The following ZNF184 variants were observed in gnomAD, a reference collection of about 807,000 sequenced individuals.
ZNF184 encodes the protein zinc finger protein 184, also known as zinc finger protein 184 (Kruppel-like).
Under a neutral mutation model 54.4 loss-of-function variants are expected in ZNF184, and 16 were observed. The observed-to-expected ratio is 0.29, with a 90% CI of 0.20 to 0.45. The LOEUF is 0.45. ZNF184 is among the 20% of genes least tolerant of loss of function. ZNF184 has a pLI of 1.00. For missense variants in ZNF184, 681 were observed against 888.2 expected (o/e 0.77, Z 2.97); for synonymous variants, 254 against 295.3 (o/e 0.86, Z 1.43).
At chr6:27,443,497 A>G in the ZNF184 span, among the ~76,000 whole-genome samples, 1 of 152,182 alleles carries the variant, frequency 6.6e-6, no homozygotes, top group Non-Finnish European at 1.5e-5. Flanking sequence ...AATCCATTCA[A>G]TATCTCAGGC....
At chr6:27,456,742 A>G in intron 5 of ZNF184, 84 bp downstream of exon 5, 1 of 1,174,600 alleles carries the variant, frequency 8.5e-7, no homozygotes. Flanking sequence ...AAGAAAGTAC[A>G]TCTACACTTC....
At chr6:27,447,518 GC>G (rs1482183019), downstream of ZNF184, among the ~76,000 whole-genome samples, 1 of 151,980 alleles carries the variant, frequency 6.6e-6, no homozygotes, top group Non-Finnish European at 1.5e-5. Flanking sequence ...TTCAAGACCA[GC>G]CTGGCCAACA....
At position 27,472,714 on chromosome 6, in the gene ZNF184, A is replaced by G; in HGVS notation, c.-140+15T>C. ...GACTCACACCCCTGCGAGCTCGGATAACACGAAGACACACCTGTTGCAGAG... is the reference window on the plus strand; with the variant it reads ...GACTCACACCCCTGCGAGCTCGGATGACACGAAGACACACCTGTTGCAGAG... On this transcript the variant is annotated intron_variant, in intron 1 of 5. Coordinates refer to ENST00000683788, the MANE Select transcript of ZNF184 (RefSeq NM_001318891.2). This position sits in a 1 kb window ranked among gnomAD's most constrained non-coding sequence, Gnocchi z 4.8. The G allele has an allele frequency of 5.7e-6, 1 of 174,194 alleles. No homozygotes were observed. Among genetic ancestry groups the G allele is most frequent in the Non-Finnish European group, 1.2e-5 (1 of 81,502 alleles). The allele number at this position is 174,194 out of a possible 1,614,324, so 10.8% of individuals were successfully genotyped here. A position where few individuals can be genotyped will look rare whatever the true frequency, so the allele number is the denominator to read the frequency against.
the ZNF184 span, among the ~76,000 whole-genome samples, chr6:27,408,659 G>T: frequency 6.6e-6 from 1 of 152,160 alleles, no homozygotes; most frequent in East Asian, 1.9e-4. Context: ...CAGATTTTCA[G>T]TATTTTATAC....
At position 27,453,041 on chromosome 6, in the gene ZNF184, C is replaced by G. The variant is rs577877140; in HGVS notation, c.518G>C (p.Ser173Thr). Reference sequence around the variant, plus strand: ...ATTATTTACAGGGCCTTTTTCCCAACTGGGTATTGTCTTTTCGGTTACCTT... The same window carrying G: ...ATTATTTACAGGGCCTTTTTCCCAAGTGGGTATTGTCTTTTCGGTTACCTT... ...EIKVTEKTIP[S>T]WEKGPVNNEF... is the part of the protein sequence containing the mutation. Residue 173 changes from serine to threonine, a missense_variant, in exon 6 of 6, where the codon AGT becomes ACT. Ser to Thr is a moderately conservative substitution (Grantham distance 58). Transcript: ENST00000683788. This position sits in a 1 kb window ranked among gnomAD's most constrained non-coding sequence, Gnocchi z 4.7. The G allele has an allele frequency of 6.2e-7, 1 of 1,614,024 alleles. No individual in the cohort carries two copies. The highest frequency in any genetic ancestry group is 1.3e-5 in the African/African-American group (1 of 74,994).
At chr6:27,415,295 T>C in the ZNF184 span, among the ~76,000 whole-genome samples, 4 of 152,184 alleles carry the variant, frequency 2.6e-5, no homozygotes, top group African/African-American at 9.7e-5. Flanking sequence ...TATGATACTC[T>C]ATTTTTCTCT....
rs190345949 is a variant in ZNF184 at position 27,456,773 on chromosome 6, T to C, written c.298+53A>G. On this transcript the variant is annotated intron_variant, in intron 5 of 5. Coordinates refer to ENST00000683788, the MANE Select transcript of ZNF184 (RefSeq NM_001318891.2). Reference sequence around the variant, plus strand: ...ACTTCAGACATAAAATCCTCTCTTATCAGGCTGACAGTCGGAGTTAATGAT... The same window carrying C: ...ACTTCAGACATAAAATCCTCTCTTACCAGGCTGACAGTCGGAGTTAATGAT... 545 of 1,471,586 alleles carry C rather than the reference T, an allele frequency of 3.7e-4. 2 individuals are homozygous for C. Among genetic ancestry groups the C allele is most frequent in the Admixed American group, 6.6e-4 (38 of 57,292 alleles). 91.2% of individuals were successfully genotyped at this position (1,471,586 alleles called of 1,614,324 possible).
chr6:27,407,646 C>G, the ZNF184 span: 1 of 619,358 alleles, frequency 1.6e-6, no homozygotes, highest in East Asian at 2.9e-5. Flanking sequence ...TGCCTGCACG[C>G]CAAACTTGCT....
chr6:27,452,569 G>A lies in ZNF184; in HGVS notation c.990C>T (p.Gly330=), dbSNP rs139038488. The A allele has an allele frequency of 1.2e-4, 191 of 1,613,744 alleles. 1 individual carries two copies. The highest frequency in any genetic ancestry group is 6.6e-4 in the Middle Eastern group (4 of 6,062). The change falls in exon 6 of 6, where the codon GGC becomes GGT. Residue 330 remains glycine (G), a synonymous_variant. Coordinates refer to ENST00000683788, the MANE Select transcript of ZNF184 (RefSeq NM_001318891.2). This position sits in a 1 kb window ranked among gnomAD's most constrained non-coding sequence, Gnocchi z 5.5. ...HLVQHQRIHT[G]EKPYTCNECG... is the part of the protein sequence containing the mutation. ...ACTCATTACAAGTGTATGGCTTCTC[G>A]CCAGTATGAATTCTCTGATGCTGAA...
At position 27,452,111 on chromosome 6, in the gene ZNF184, A is replaced by G. The variant is rs757445653; in HGVS notation, c.1448T>C (p.Phe483Ser). The G allele has an allele frequency of 6.2e-7, 1 of 1,614,064 alleles. No individual in the cohort carries two copies. The highest frequency in any genetic ancestry group is 8.5e-7 in the Non-Finnish European group (1 of 1,179,996). Residue 483 changes from phenylalanine to serine, a missense_variant, in exon 6 of 6, where the codon TTC (phenylalanine) becomes TCC (serine). Coordinates refer to ENST00000683788, the MANE Select transcript of ZNF184 (RefSeq NM_001318891.2). This position sits in a 1 kb window ranked among gnomAD's most constrained non-coding sequence, Gnocchi z 5.5. ...PYKCNECGKA[F>S]SYCSSLTQHR... is the part of the protein sequence containing the mutation. ...TTGAGTAAGGGATGAGCAGTAACTGAAGGCCTTTCCACATTCATTGCATTT... is the reference window on the plus strand; with the variant it reads ...TTGAGTAAGGGATGAGCAGTAACTGGAGGCCTTTCCACATTCATTGCATTT...
the ZNF184 span, among the ~76,000 whole-genome samples, chr6:27,411,760 A>G: frequency 6.6e-6 from 1 of 152,236 alleles, no homozygotes; most frequent in Non-Finnish European, 1.5e-5. Flanking sequence ...TCTTCAAAAT[A>G]ATCTCCTGTT....
chr6:27,461,853 C>T (rs1763003072), intron 3 of ZNF184, among the ~76,000 whole-genome samples: 2 of 152,100 alleles, frequency 1.3e-5, no homozygotes, highest in African/African-American at 4.8e-5. Context: ...GAGAGAGCTA[C>T]ACAAAGAGAG....
the ZNF184 span, among the ~76,000 whole-genome samples, chr6:27,440,417 G>A: frequency 6.2e-4 from 94 of 152,302 alleles, no homozygotes; most frequent in South Asian, 1.5e-3. Context: ...GATGTAAACA[G>A]CAATGGTACT....
chr6:27,436,327 C>A, the ZNF184 span, among the ~76,000 whole-genome samples: 1 of 152,110 alleles, frequency 6.6e-6, no homozygotes, highest in Non-Finnish European at 1.5e-5. Context: ...CCACCCCCAC[C>A]TAATTTTTGT....
chr6:27,441,681 CA>C, the ZNF184 span, among the ~76,000 whole-genome samples: 4 of 152,140 alleles, frequency 2.6e-5, no homozygotes, highest in Admixed American at 6.5e-5. Context: ...AGCTTACTGA[CA>C]TGTTGTTATT....
chr6:27,408,035 C>A, the ZNF184 span: 1 of 947,120 alleles, frequency 1.1e-6, no homozygotes, highest in Non-Finnish European at 1.7e-6. Flanking sequence ...GCAAATGTGA[C>A]CTGGGATAAT....
In ZNF184 at chr6:27,467,902, G is replaced by A; in HGVS notation, c.26C>T (p.Ser9Phe). The A allele has an allele frequency of 6.2e-7, 1 of 1,611,686 alleles. No individual in the cohort carries two copies. Among genetic ancestry groups the A allele is most frequent in the Non-Finnish European group, 8.5e-7 (1 of 1,178,914 alleles). The change falls in exon 3 of 6, where the codon TCC becomes TTC. Residue 9 changes from serine to phenylalanine, a missense_variant. Coordinates refer to ENST00000683788, the MANE Select transcript of ZNF184 (RefSeq NM_001318891.2). MEDLSSPD[S>F]TLLQGGHNLL... ...ATTATGTCCCCCTTGGAGAAGGGTG[G>A]AGTCTGGAGAGGACAGATCTAGGGG...
At chr6:27,417,169 T>C in the ZNF184 span, among the ~76,000 whole-genome samples, 185 of 152,276 alleles carry the variant, frequency 1.2e-3, no homozygotes, top group Non-Finnish European at 2.1e-3. Context: ...ACTTCCAAAA[T>C]GCTTTGAAAA....
At chr6:27,454,095 G>A (rs187050181) in intron 5 of ZNF184, among the ~76,000 whole-genome samples, 7 of 152,248 alleles carry the variant, frequency 4.6e-5, no homozygotes, top group Admixed American at 4.6e-4. Flanking sequence ...AACCAGGAAA[G>A]TACATAATCA....
Sources: gnomAD v4.1 joint callset for allele counts (sites outside exome capture counted in the v4.1 genomes callset) on GRCh38, gnomAD v4.1.1 for gene constraint, Gnocchi (gnomAD v3.1) non-coding constraint, MANE v1.5 for transcripts, NCBI Gene and HGNC (gene_info 2026-07-23, HGNC 2026-07-21) for gene names.